Variants in PLAC1 observed in about 807,000 individuals in gnomAD.
PLAC1 encodes placenta associated 1.
For synonymous variants in PLAC1, 68 were observed against 62.1 expected (o/e 1.09, Z -0.44); for missense variants, 136 against 163.2 (o/e 0.83, Z 0.91).
intron 2 of PLAC1, among the ~76,000 whole-genome samples, chrX:134,667,925 C>CAAA (rs752192722): frequency 2.3e-5 from 2 of 87,386 alleles, no homozygotes; most frequent in Non-Finnish European, 4.6e-5. Flanking sequence ...GACCTTGTCT[C>CAAA]AAAAAAAAAA....
At chrX:134,721,688 C>T (rs1450270894) in intron 2 of PLAC1, among the ~76,000 whole-genome samples, 2 of 109,386 alleles carry the variant, frequency 1.8e-5, no homozygotes, top group Non-Finnish European at 3.8e-5. Flanking sequence ...GATGATGAAA[C>T]CCCGTCTCTA....
chrX:134,618,469 G>A (rs763824100), intron 1 of PLAC1, among the ~76,000 whole-genome samples: 2 of 111,508 alleles, frequency 1.8e-5, no homozygotes, highest in East Asian at 2.8e-4. Context: ...GCAGTGGTGC[G>A]ATCATGGCTC....
chrX:134,647,410 C>CTGTGTGTGTGTGTGTGTG (rs200761671), intron 1 of PLAC1, among the ~76,000 whole-genome samples: 1 of 90,146 alleles, frequency 1.1e-5, no homozygotes, highest in African/African-American at 4.2e-5. Flanking sequence ...ATGCATGCAT[C>CTGTGTGTGTGTGTGTGTG]TGTGTGTGTG....
chrX:134,722,066 G>A (rs1433684331), intron 2 of PLAC1, among the ~76,000 whole-genome samples: 1 of 110,151 alleles, frequency 9.1e-6, no homozygotes, highest in Non-Finnish European at 1.9e-5. Context: ...TGTGCCCACC[G>A]AAAACCTTGT....
chrX:134,567,893 A>G (rs1007732751), intron 2 of PLAC1, among the ~76,000 whole-genome samples: 4 of 110,887 alleles, frequency 3.6e-5, no homozygotes, highest in African/African-American at 1.3e-4. Context: ...ATCTCCTAAA[A>G]TCTTTGCATT....
intron 1 of PLAC1, among the ~76,000 whole-genome samples, chrX:134,760,607 T>C (rs1437691275): frequency 1.8e-5 from 2 of 109,407 alleles, no homozygotes; most frequent in Admixed American, 2.0e-4. Flanking sequence ...TGGACTAATA[T>C]GAAGTCATTT....
rs1391476779 is a variant in PLAC1, at chrX:134,566,703, T to G, written c.-21A>C. 1.7e-6 allele frequency: 2 copies of G among 1,154,614 alleles called. No homozygotes were observed. The highest frequency in any genetic ancestry group is 3.9e-5 in the South Asian group (2 of 51,046). ...TTCATCCCTGCAGCCAATCAGATAA[T>G]GAACCACAGGAAACAGGAAGCCGTC... On this transcript the variant is annotated 5_prime_UTR_variant, in exon 3 of 3. Coordinates refer to ENST00000359237, the MANE Select transcript of PLAC1 (RefSeq NM_021796.4).
At chrX:134,631,603 G>A (rs962726361) in intron 1 of PLAC1, among the ~76,000 whole-genome samples, 9 of 111,733 alleles carry the variant, frequency 8.1e-5, no homozygotes, top group East Asian at 2.8e-4. Context: ...TGGCTGGGGC[G>A]TGGGGGTTGG....
chrX:134,737,211 A>T (rs1319562116), intron 1 of PLAC1, among the ~76,000 whole-genome samples: 3 of 112,497 alleles, frequency 2.7e-5, no homozygotes, highest in Non-Finnish European at 5.6e-5. Context: ...TGTTATGATT[A>T]GTGGACTAAT....
At chrX:134,687,867 T>TATATATATATAG (rs2078523561) in intron 2 of PLAC1, among the ~76,000 whole-genome samples, 3 of 52,288 alleles carry the variant, frequency 5.7e-5, no homozygotes, top group African/African-American at 2.3e-4. Context: ...TATATATATA[T>TATATATATATAG]AGCACCTAGC....
chrX:134,609,185 T>C (rs188161600), intron 1 of PLAC1, among the ~76,000 whole-genome samples: 36 of 111,497 alleles, frequency 3.2e-4, no homozygotes, highest in African/African-American at 1.1e-3. Flanking sequence ...TCTCCCACCA[T>C]GCCCTGGAAA....
chrX:134,572,976 A>C (rs1001518079), intron 2 of PLAC1, among the ~76,000 whole-genome samples: 2 of 112,002 alleles, frequency 1.8e-5, no homozygotes, highest in African/African-American at 6.5e-5. Context: ...AGGTTGCAAA[A>C]TAAATAAGAA....
intron 2 of PLAC1, among the ~76,000 whole-genome samples, chrX:134,681,733 C>T (rs1009409009): frequency 1.1e-4 from 12 of 110,670 alleles, no homozygotes; most frequent in Non-Finnish European, 2.1e-4. Context: ...CTATCTGGCA[C>T]ATAGTAGAAA....
chrX:134,578,286 G>T (rs1369911034), intron 2 of PLAC1, among the ~76,000 whole-genome samples: 1 of 107,586 alleles, frequency 9.3e-6, no homozygotes, highest in Non-Finnish European at 1.9e-5. Context: ...GGTGGCGGGC[G>T]CCTGTAGTCC....
intron 2 of PLAC1, among the ~76,000 whole-genome samples, chrX:134,715,207 A>G (rs2078639983): frequency 1.8e-5 from 2 of 111,627 alleles, no homozygotes; most frequent in Admixed American, 9.6e-5. Flanking sequence ...TCAAACAGTT[A>G]TAAGTAGCAG....
intron 2 of PLAC1, among the ~76,000 whole-genome samples, chrX:134,675,144 T>C (rs184324286): frequency 2.7e-5 from 3 of 112,108 alleles, no homozygotes; most frequent in African/African-American, 6.5e-5. Context: ...TCTGAGCCCA[T>C]AGACAGCCTC....
intron 1 of PLAC1, among the ~76,000 whole-genome samples, chrX:134,646,007 T>C (rs1375832926): frequency 8.9e-6 from 1 of 112,064 alleles, no homozygotes; most frequent in Non-Finnish European, 1.9e-5. Context: ...CTTACAATTG[T>C]GCAAAATCTG....
upstream of PLAC1, among the ~76,000 whole-genome samples, chrX:134,661,852 C>T (rs1051429075): frequency 2.7e-5 from 3 of 112,146 alleles, no homozygotes; most frequent in East Asian, 8.3e-4. Context: ...TACCAACTTA[C>T]AAGAGACAAA....
chrX:134,762,696 C>T (rs375018688), intron 1 of PLAC1, among the ~76,000 whole-genome samples: 2 of 107,274 alleles, frequency 1.9e-5, no homozygotes, highest in African/African-American at 3.4e-5. Flanking sequence ...GGCGCAGTGG[C>T]GGGCGCCTAT....
Sources: gnomAD v4.1 joint callset for allele counts (sites outside exome capture counted in the v4.1 genomes callset) on GRCh38, gnomAD v4.1.1 for gene constraint, MANE v1.5 for transcripts, NCBI Gene and HGNC (gene_info 2026-07-23, HGNC 2026-07-21) for gene names.